CREB5: variants seen among roughly 807,000 people sequenced by gnomAD.
The protein encoded by CREB5 is cyclic AMP-responsive element-binding protein 5.
CREB5 carries 19 observed loss-of-function variants against 57.1 expected under a neutral mutation model. That is an observed-to-expected ratio of 0.33 (90% CI 0.23 to 0.49). The LOEUF is 0.49. CREB5 is among the 20% of genes least tolerant of loss of function. The pLI is 0.99. For synonymous variants in CREB5, 238 were observed against 238.3 expected, an observed-to-expected ratio of 1.00 and a Z score of 0.01; for missense variants, 579 against 671.6, an observed-to-expected ratio of 0.86 and a Z score of 1.52.
At chr7:28,537,304 C>T (rs1794003165) in intron 4 of CREB5, among the ~76,000 whole-genome samples, 1 of 151,976 alleles carries the variant, frequency 6.6e-6, no homozygotes, top group Non-Finnish European at 1.5e-5. Context: ...CATTTTTTCC[C>T]CAATAAATGT....
chr7:28,419,616 A>G (rs1223901156), intron 1 of CREB5, among the ~76,000 whole-genome samples: 1 of 152,268 alleles, frequency 6.6e-6, no homozygotes, highest in Non-Finnish European at 1.5e-5. Flanking sequence ...AAATATGTAT[A>G]TAAATAAAAA....
intron 5 of CREB5, among the ~76,000 whole-genome samples, chr7:28,577,828 C>A (rs953044103): frequency 6.6e-6 from 1 of 152,194 alleles, no homozygotes; most frequent in African/African-American, 2.4e-5. Flanking sequence ...AAGGTAACTT[C>A]TCTGGGGACT....
At chr7:28,622,242 TTC>T (rs746423295) in intron 5 of CREB5, among the ~76,000 whole-genome samples, 2,162 of 139,124 alleles carry the variant, frequency 0.016, 26 homozygotes, top group Admixed American at 0.024. Flanking sequence ...TATACACACA[TTC>T]TCTCTCTCTC....
rs566380356 is a variant in CREB5, at chr7:28,503,680, C to T, written c.170-3936C>T. ...CATGTGAGAGCCCAAGCCCCAAGCACGTTGAGCGATGTTTTCTGTCTGCTC... is the reference window on the plus strand; with the variant it reads ...CATGTGAGAGCCCAAGCCCCAAGCATGTTGAGCGATGTTTTCTGTCTGCTC... On this transcript the variant is annotated intron_variant, in intron 3 of 10. Coordinates refer to ENST00000357727, the MANE Select transcript of CREB5 (RefSeq NM_182898.4). 4.6e-4 allele frequency among the ~76,000 whole-genome samples: 70 copies of T among 152,262 alleles called. 1 individual carries two copies. The South Asian group carries it at 0.013, about 29-fold the overall frequency.
chr7:28,630,503 CAT>C (rs1375909679), intron 5 of CREB5, among the ~76,000 whole-genome samples: 3 of 152,296 alleles, frequency 2.0e-5, no homozygotes, highest in East Asian at 3.9e-4. Context: ...CTGAAAAAAA[CAT>C]ATGTTTTTCA....
chr7:28,648,985 A>G (rs748481721), intron 5 of CREB5, among the ~76,000 whole-genome samples: 4 of 152,194 alleles, frequency 2.6e-5, no homozygotes, highest in Non-Finnish European at 4.4e-5. Flanking sequence ...GCTTTTCTGG[A>G]TGACGAGCAA....
chr7:28,815,121 A>T (rs1184628737), intron 9 of CREB5, among the ~76,000 whole-genome samples: 5 of 152,088 alleles, frequency 3.3e-5, no homozygotes, highest in African/African-American at 1.2e-4. Context: ...ACATTTTTTA[A>T]AATTAGGTGG....
At chr7:28,299,348 AG>A (rs1785061701) in exon 1 of CREB5, 1 of 152,234 alleles carries the variant, frequency 6.6e-6, no homozygotes, top group South Asian at 2.1e-4. Context: ...GAGTGGAGCA[AG>A]AGGCAGATTT....
At chr7:28,735,198 T>C (rs868209968) in intron 7 of CREB5, among the ~76,000 whole-genome samples, 9 of 152,346 alleles carry the variant, frequency 5.9e-5, no homozygotes, top group Admixed American at 2.6e-4. Flanking sequence ...GTTTTTATTC[T>C]AAGCTTAAGC....
chr7:28,492,834 C>T lies in CREB5; in HGVS notation c.76-2072C>T, dbSNP rs141951178. 2.2e-4 allele frequency among the ~76,000 whole-genome samples: 33 copies of T among 151,376 alleles called. 1 individual carries two copies. The highest frequency in any genetic ancestry group is 3.5e-3 in the Middle Eastern group (1 of 286). On this transcript the variant is annotated intron_variant, in intron 2 of 10. Coordinates refer to ENST00000357727, the MANE Select transcript of CREB5 (RefSeq NM_182898.4). ...ACAAAAATTATAATTAGTTGTTTGA[C>T]GGAAAGACTAGGCAACTCAGTCTCT...
intron 5 of CREB5, among the ~76,000 whole-genome samples, chr7:28,701,023 C>T (rs955416209): frequency 6.6e-6 from 1 of 151,324 alleles, no homozygotes; most frequent in Non-Finnish European, 1.5e-5. Flanking sequence ...TATGTGGAGA[C>T]CCATATAAGG....
Position 28,669,499 on chromosome 7 carries a change from A to G in CREB5, c.465-49254A>G, listed in dbSNP as rs1196749170. Among the ~76,000 whole-genome samples the G allele has an allele frequency of 2.0e-5, 3 of 152,318 alleles. No homozygotes were observed. In the East Asian group the frequency reaches 5.8e-4, roughly 29 times the overall value. On this transcript the variant is annotated intron_variant, in intron 5 of 10. Coordinates refer to ENST00000357727, the MANE Select transcript of CREB5 (RefSeq NM_182898.4). Reference sequence around the variant, plus strand: ...TCAATTTCTCAGTTCTGGTAAATGTACCGGGGTTGTGTAAGATGTTACCAT... The same window carrying G: ...TCAATTTCTCAGTTCTGGTAAATGTGCCGGGGTTGTGTAAGATGTTACCAT...
intron 5 of CREB5, among the ~76,000 whole-genome samples, chr7:28,619,940 T>C (rs1329978386): frequency 1.3e-5 from 2 of 152,172 alleles, no homozygotes; most frequent in Non-Finnish European, 2.9e-5. Context: ...CATTTTCTGT[T>C]ATAAAAAATA....
intron 8 of CREB5, among the ~76,000 whole-genome samples, chr7:28,806,788 G>A (rs921738625): frequency 2.0e-5 from 3 of 152,168 alleles, no homozygotes; most frequent in African/African-American, 7.2e-5. Flanking sequence ...TGGGTTACAG[G>A]TTGATTAAAC....
intron 7 of CREB5, among the ~76,000 whole-genome samples, chr7:28,799,424 GTAAA>G (rs1808240284): frequency 6.6e-6 from 1 of 152,194 alleles, no homozygotes; most frequent in Non-Finnish European, 1.5e-5. Flanking sequence ...CATTTGTTGA[GTAAA>G]TAAATAGTTA....
chr7:28,385,502 C>A (rs758120853), intron 1 of CREB5, among the ~76,000 whole-genome samples: 2 of 151,922 alleles, frequency 1.3e-5, no homozygotes, highest in Non-Finnish European at 2.9e-5. Context: ...CATGGTGAAA[C>A]CCTGTCTCTA....
chr7:28,544,594 A>G (rs1794344377), intron 4 of CREB5, among the ~76,000 whole-genome samples: 1 of 152,184 alleles, frequency 6.6e-6, no homozygotes, highest in African/African-American at 2.4e-5. Context: ...AGGCAGTAAC[A>G]TATTTTCTTA....
chr7:28,616,073 T>C (rs1413535041), intron 5 of CREB5, among the ~76,000 whole-genome samples: 1 of 152,234 alleles, frequency 6.6e-6, no homozygotes, highest in African/African-American at 2.4e-5. Flanking sequence ...AGTATTCTGA[T>C]TGCATTTCCA....
intron 5 of CREB5, among the ~76,000 whole-genome samples, chr7:28,594,082 C>T (rs1384718058): frequency 6.6e-6 from 1 of 152,158 alleles, no homozygotes; most frequent in Non-Finnish European, 1.5e-5. Context: ...AGCAAATACT[C>T]CCTCAGGCCC....
Sources: allele counts gnomAD v4.1 joint callset (sites outside exome capture counted in the v4.1 genomes callset), GRCh38; gene constraint gnomAD v4.1.1; transcripts MANE v1.5; gene names NCBI Gene and HGNC (gene_info 2026-07-23, HGNC 2026-07-21).